RGS6: variants seen among roughly 807,000 people sequenced by gnomAD.
The protein encoded by RGS6 is regulator of G protein signaling 6.
Under a neutral mutation model 78.5 loss-of-function variants are expected in RGS6, and 30 were observed. The ratio of observed to expected loss-of-function variants is 0.38; its 90% CI spans 0.29 to 0.52. The LOEUF is 0.52. Among genes scored for constraint, RGS6 ranks in the 20% least tolerant of loss-of-function variants. The probability of loss-of-function intolerance (pLI) is 0.85; values close to 1 mark genes in which losing one functional copy is unlikely to be tolerated. For missense variants in RGS6, 495 were observed against 609.7 expected (o/e 0.81, Z 1.98); for synonymous variants, 206 against 206.0 (o/e 1.00, Z 0.00).
intron 3 of RGS6, among the ~76,000 whole-genome samples, chr14:72,375,862 T>C (rs2084578678): frequency 6.6e-6 from 1 of 152,124 alleles, no homozygotes; most frequent in Non-Finnish European, 1.5e-5. Flanking sequence ...CCCACATAAA[T>C]GAATAAATCT....
chr14:72,095,192 G>C (rs531442335), intron 2 of RGS6, among the ~76,000 whole-genome samples: 4 of 152,162 alleles, frequency 2.6e-5, no homozygotes, highest in African/African-American at 9.6e-5. Flanking sequence ...TTTTGCAAAA[G>C]CTTACTGAGT....
the RGS6 span, among the ~76,000 whole-genome samples, chr14:72,619,007 T>C: frequency 6.6e-6 from 1 of 152,238 alleles, no homozygotes; most frequent in East Asian, 1.9e-4. Context: ...AGGGCCTCGG[T>C]GCTAGGGTAA....
rs575263607 is a variant in RGS6 at position 72,546,675 on chromosome 14, G to A, written c.1422+6581G>A. ...GGCTTTCCCTGGTGGGCCCTCCCTC[G>A]ACCCCCGCCCAGGCCCTCTCCTGCC... On this transcript the variant is annotated intron_variant, in intron 17 of 17. Coordinates refer to ENST00000553525, the MANE Select transcript of RGS6 (RefSeq NM_001204424.2). Among the ~76,000 whole-genome samples the A allele has an allele frequency of 2.0e-5, 3 of 152,252 alleles. No homozygotes were observed. The South Asian group carries it at 6.2e-4, about 32-fold the overall frequency.
the RGS6 span, among the ~76,000 whole-genome samples, chr14:71,868,586 T>C: frequency 6.6e-6 from 1 of 152,228 alleles, no homozygotes; most frequent in Non-Finnish European, 1.5e-5. Flanking sequence ...GGTCACACAG[T>C]ACAGATATGA....
chr14:72,525,175 C>T (rs761350609), intron 15 of RGS6, among the ~76,000 whole-genome samples: 3 of 152,146 alleles, frequency 2.0e-5, no homozygotes, highest in African/African-American at 4.8e-5. Context: ...ATCAAAGAAG[C>T]GGGGGACAAT....
chr14:72,084,143 A>G (rs2094931703), intron 2 of RGS6, among the ~76,000 whole-genome samples: 1 of 152,116 alleles, frequency 6.6e-6, no homozygotes, highest in Non-Finnish European at 1.5e-5. Flanking sequence ...TCTTGAGGGG[A>G]GGGGAGGATG....
chr14:72,400,388 T>C (rs2092235583), intron 3 of RGS6, among the ~76,000 whole-genome samples: 1 of 152,248 alleles, frequency 6.6e-6, no homozygotes, highest in Non-Finnish European at 1.5e-5. Flanking sequence ...AAGAAGATGA[T>C]TTTAATGCTT....
intron 2 of RGS6, among the ~76,000 whole-genome samples, chr14:72,023,517 G>T (rs758339918): frequency 8.5e-5 from 13 of 152,214 alleles, no homozygotes; most frequent in Non-Finnish European, 1.6e-4. Flanking sequence ...TGCTCAAAAT[G>T]TCAAGGGGTG....
chr14:71,897,781 A>G, the RGS6 span, among the ~76,000 whole-genome samples: 1 of 152,022 alleles, frequency 6.6e-6, no homozygotes, highest in South Asian at 2.1e-4. Flanking sequence ...AGCCTCCCAA[A>G]GTGCTGGGAT....
the RGS6 span, among the ~76,000 whole-genome samples, chr14:71,920,636 CA>C: frequency 1.4e-4 from 2 of 14,100 alleles, no homozygotes; most frequent in African/African-American, 2.2e-4. Context: ...CACGCGCGTG[CA>C]CACACACACA....
chr14:72,180,171 A>G (rs1483202519), intron 2 of RGS6, among the ~76,000 whole-genome samples: 1 of 152,232 alleles, frequency 6.6e-6, no homozygotes, highest in Non-Finnish European at 1.5e-5. Flanking sequence ...GCCAAGGACT[A>G]CTGTGATCCA....
intron 3 of RGS6, among the ~76,000 whole-genome samples, chr14:72,380,843 C>T (rs1255094356): frequency 1.3e-5 from 2 of 150,676 alleles, no homozygotes; most frequent in African/African-American, 2.4e-5. Flanking sequence ...GGAAGGAAAT[C>T]AGTATATCAA....
intron 2 of RGS6, among the ~76,000 whole-genome samples, chr14:72,090,072 C>T (rs925891243): frequency 6.8e-6 from 1 of 147,884 alleles, no homozygotes; most frequent in Non-Finnish European, 1.5e-5. Flanking sequence ...GAGATCATGC[C>T]ACTGCACTCC....
the RGS6 span, among the ~76,000 whole-genome samples, chr14:71,877,280 G>T: frequency 6.6e-6 from 1 of 152,192 alleles, no homozygotes; most frequent in South Asian, 2.1e-4. Flanking sequence ...TTTCCAACTT[G>T]TTTCCATTCT....
intron 2 of RGS6, among the ~76,000 whole-genome samples, chr14:72,125,393 C>G (rs1412750316): frequency 6.6e-6 from 1 of 152,138 alleles, no homozygotes. Flanking sequence ...CTGCCTTTCC[C>G]AGCACCCCCA....
chr14:72,603,807 C>T, the RGS6 span, among the ~76,000 whole-genome samples: 2 of 151,918 alleles, frequency 1.3e-5, no homozygotes. Flanking sequence ...TCTGGAGATT[C>T]CAGACAAGAG....
intron 3 of RGS6, among the ~76,000 whole-genome samples, chr14:72,410,825 A>G (rs1332998692): frequency 6.6e-6 from 1 of 152,206 alleles, no homozygotes; most frequent in Non-Finnish European, 1.5e-5. Context: ...TTAAATAGGG[A>G]ATCCTTTCCC....
At chr14:72,462,982 G>T (rs1200150653) in intron 6 of RGS6, among the ~76,000 whole-genome samples, 1 of 152,212 alleles carries the variant, frequency 6.6e-6, no homozygotes. Flanking sequence ...AGTAAAGAAA[G>T]GGGTCAGTTT....
the RGS6 span, chr14:72,620,004 G>A: frequency 6.6e-7 from 1 of 1,526,326 alleles, no homozygotes. Flanking sequence ...CACAGAGTAA[G>A]CACAGAGGAG....
Sources: gnomAD v4.1 joint callset for allele counts (sites outside exome capture counted in the v4.1 genomes callset) on GRCh38, gnomAD v4.1.1 for gene constraint, MANE v1.5 for transcripts, NCBI Gene and HGNC (gene_info 2026-07-23, HGNC 2026-07-21) for gene names.